The following SMIM35 variants were observed in gnomAD, a reference collection of about 807,000 sequenced individuals.
SMIM35 encodes the protein small integral membrane protein 35.
intron 1 of SMIM35, among the ~76,000 whole-genome samples, chr11:118,019,690 AT>A (rs1252755269): frequency 6.6e-6 from 1 of 151,548 alleles, no homozygotes; most frequent in Non-Finnish European, 1.5e-5. Flanking sequence ...CATACTCCTT[AT>A]TTTTTTTCTA....
chr11:118,082,346 A>G (rs1278384685), intron 1 of SMIM35, among the ~76,000 whole-genome samples: 4 of 152,092 alleles, frequency 2.6e-5, no homozygotes, highest in African/African-American at 9.7e-5. Flanking sequence ...GGATCACCTG[A>G]GGTCAGAAGT....
intron 1 of SMIM35, chr11:118,077,008 C>T (rs1232518582): frequency 2.4e-6 from 1 of 423,690 alleles, no homozygotes; most frequent in Non-Finnish European, 4.2e-6. Context: ...TTACAAGACA[C>T]ATAATCATTC....
chr11:118,060,773 C>A (rs1227085132), intron 1 of SMIM35, among the ~76,000 whole-genome samples: 1 of 152,210 alleles, frequency 6.6e-6, no homozygotes, highest in Non-Finnish European at 1.5e-5. Flanking sequence ...AATGCTGGTT[C>A]TAATCTGGCT....
At chr11:118,032,751 T>C (rs1049408070) in intron 1 of SMIM35, among the ~76,000 whole-genome samples, 2 of 151,982 alleles carry the variant, frequency 1.3e-5, no homozygotes, top group African/African-American at 4.8e-5. Flanking sequence ...TACCAAAAAA[T>C]ACAAAAATTA....
At chr11:118,007,779 A>G (rs2058129489) in intron 4 of SMIM35, among the ~76,000 whole-genome samples, 1 of 152,102 alleles carries the variant, frequency 6.6e-6, no homozygotes, top group Non-Finnish European at 1.5e-5. Context: ...CTGATTAGGG[A>G]GGAGTAGACC....
chr11:118,080,011 C>T (rs1315374370), intron 1 of SMIM35, among the ~76,000 whole-genome samples: 7 of 152,190 alleles, frequency 4.6e-5, no homozygotes, highest in Non-Finnish European at 8.8e-5. Context: ...CCACTCCCCC[C>T]CCACCAAAAG....
At chr11:118,031,302 A>G (rs1256554827) in intron 1 of SMIM35, among the ~76,000 whole-genome samples, 1 of 152,244 alleles carries the variant, frequency 6.6e-6, no homozygotes, top group African/African-American at 2.4e-5. Flanking sequence ...AGACACATCT[A>G]CCACTAAGAT....
At chr11:118,011,349 T>C (rs2047824115) in intron 4 of SMIM35, among the ~76,000 whole-genome samples, 1 of 152,164 alleles carries the variant, frequency 6.6e-6, no homozygotes, top group Admixed American at 6.5e-5. Context: ...TGGCCGGGCA[T>C]GGACTGCAGA....
intron 2 of SMIM35, among the ~76,000 whole-genome samples, 154 bp from the exon 3 acceptor site, chr11:118,014,895 C>T (rs977380417): frequency 2.8e-4 from 42 of 152,174 alleles, no homozygotes; most frequent in African/African-American, 9.6e-4. Flanking sequence ...CAGCCTCCTT[C>T]AGGGCCCCCC....
chr11:118,056,542 T>A (rs916747821), intron 1 of SMIM35, among the ~76,000 whole-genome samples: 2 of 152,198 alleles, frequency 1.3e-5, no homozygotes, highest in Non-Finnish European at 2.9e-5. Context: ...GCAATAGAGA[T>A]GTAGGTTTAG....
At chr11:118,018,810 T>C (rs923274544) in intron 1 of SMIM35, among the ~76,000 whole-genome samples, 1 of 152,222 alleles carries the variant, frequency 6.6e-6, no homozygotes, top group African/African-American at 2.4e-5. Context: ...ATTTTACCTT[T>C]TGATCTTTCT....
chr11:118,079,209 C>G (rs1011752027), intron 1 of SMIM35, among the ~76,000 whole-genome samples: 2 of 152,142 alleles, frequency 1.3e-5, no homozygotes, highest in Non-Finnish European at 2.9e-5. Flanking sequence ...ATAACCCTGT[C>G]ATTAAGCCTG....
intron 1 of SMIM35, among the ~76,000 whole-genome samples, chr11:118,042,692 G>A (rs1944025067): frequency 6.6e-6 from 1 of 152,112 alleles, no homozygotes; most frequent in Admixed American, 6.5e-5. Context: ...TTATGAATAT[G>A]GACGCAAAAA....
intron 3 of SMIM35, among the ~76,000 whole-genome samples, chr11:118,014,450 GTGGA>G (rs986702847): frequency 2.0e-5 from 3 of 151,854 alleles, no homozygotes; most frequent in Non-Finnish European, 4.4e-5. Flanking sequence ...GGATGGATGG[GTGGA>G]TGGATGTTCC....
intron 1 of SMIM35, among the ~76,000 whole-genome samples, chr11:118,079,135 A>G (rs916526361): frequency 6.6e-6 from 1 of 152,116 alleles, no homozygotes; most frequent in South Asian, 2.1e-4. Flanking sequence ...AGCATGGCCA[A>G]TCTCCACGGT....
Position 118,058,050 on chromosome 11 carries a change from AC to A in SMIM35, c.7+28700del, listed in dbSNP as rs1279115923. On this transcript the variant is annotated intron_variant, in intron 1 of 4. Coordinates refer to ENST00000689828, the MANE Select transcript of SMIM35 (RefSeq NM_001394165.1). The stretch of plus-strand genomic sequence containing the variant: ...GCAGGCAGGGGATTAAACTCTGTTG[AC>A]CCTGTGACCTAGTTGACATAGGGTC... Among the ~76,000 whole-genome samples, 5 of 152,298 alleles carry A rather than the reference AC, an allele frequency of 3.3e-5. 1 individual carries two copies. The South Asian group carries it at 1.0e-3, about 32-fold the overall frequency.
In SMIM35 at chr11:118,048,590, G is replaced by GAAGGAAGGAAGGAAGC. The variant is rs1555074379; in HGVS notation, c.8-32782_8-32781insGCTTCCTTCCTTCCTT. Among the ~76,000 whole-genome samples the GAAGGAAGGAAGGAAGC allele has an allele frequency of 1.7e-4, 18 of 103,690 alleles. 1 individual carries two copies. Among genetic ancestry groups the GAAGGAAGGAAGGAAGC allele is most frequent in the African/African-American group, 5.2e-4 (15 of 29,078 alleles). The allele number at this position is 103,690 out of a possible 152,430, so 68.0% of individuals were successfully genotyped here. On this transcript the variant is annotated intron_variant, in intron 1 of 4. Coordinates refer to ENST00000689828, the MANE Select transcript of SMIM35 (RefSeq NM_001394165.1). ...GGAAGGAAGGAAGGAAGGAAGGAAGGAAGGAAGCAAGGAAGCAAGGAAGCA... is the reference window on the plus strand; with the variant it reads ...GGAAGGAAGGAAGGAAGGAAGGAAGGAAGGAAGGAAGGAAGCAAGGAAGCAAGGAAGCAAGGAAGCA...
At chr11:118,023,543 C>A (rs55734733) in intron 1 of SMIM35, among the ~76,000 whole-genome samples, 13,539 of 139,626 alleles carry the variant, frequency 0.097, 879 homozygotes, top group East Asian at 0.38. Context: ...TGTGATGTTC[C>A]CCTTCTTGTG....
intron 1 of SMIM35, among the ~76,000 whole-genome samples, chr11:118,035,342 T>C (rs1199818339): frequency 6.6e-6 from 1 of 152,102 alleles, no homozygotes; most frequent in Non-Finnish European, 1.5e-5. Context: ...AGCATTAATT[T>C]CCATACTCAA....
Sources: allele counts gnomAD v4.1 joint callset (sites outside exome capture counted in the v4.1 genomes callset), GRCh38; gene constraint gnomAD v4.1.1; transcripts MANE v1.5; gene names NCBI Gene and HGNC (gene_info 2026-07-23, HGNC 2026-07-21).